Variants in SOX6 observed in about 807,000 individuals in gnomAD.
The protein encoded by SOX6 is transcription factor SOX-6.
A neutral mutation model predicts 97.8 loss-of-function variants in SOX6; 11 were observed. That is an observed-to-expected ratio of 0.11 (90% confidence interval 0.07 to 0.19). SOX6 has a LOEUF of 0.19. SOX6 is among the 10% of genes least tolerant of loss of function. The pLI, the probability that SOX6 is intolerant of heterozygous loss-of-function variation, is 1.00. For synonymous variants in SOX6, 360 were observed against 371.4 expected, an observed-to-expected ratio of 0.97 and a Z score of 0.35; for missense variants, 810 against 1,039.5, an observed-to-expected ratio of 0.78 and a Z score of 3.04.
intron 3 of SOX6, among the ~76,000 whole-genome samples, chr11:16,287,257 GTCTCTCTCTCTCTC>G (rs56921161): frequency 0.58 from 69,501 of 120,566 alleles, 19,886 homozygotes; most frequent in Middle Eastern, 0.75. Context: ...TCTTCTCTCT[GTCTCTCTCTCTCTC>G]TCTCTCTCTC....
chr11:16,026,971 G>A (rs1238130064), intron 12 of SOX6, among the ~76,000 whole-genome samples: 1 of 152,158 alleles, frequency 6.6e-6, no homozygotes, highest in Non-Finnish European at 1.5e-5. Flanking sequence ...GGGGATATGT[G>A]TTAATTGTAT....
rs567370191 is a variant in SOX6, at chr11:16,348,295, G to C, written c.-4-7043C>G. Among the ~76,000 whole-genome samples the C allele has an allele frequency of 7.2e-5, 11 of 152,204 alleles. No homozygotes were observed. In the South Asian group the frequency reaches 1.2e-3, roughly 17 times the overall value. On this transcript the variant is annotated intron_variant, in intron 1 of 15. Coordinates refer to ENST00000683767, the MANE Select transcript of SOX6 (RefSeq NM_001367873.1). The stretch of plus-strand genomic sequence containing the variant: ...AGTTAGTGTTACCTGACAGCTTAGT[G>C]AATATAAAATTACTTGTTTCTCCAA...
At chr11:16,404,441 T>C (rs1202132937) in intron 1 of SOX6, among the ~76,000 whole-genome samples, 1 of 148,362 alleles carries the variant, frequency 6.7e-6, no homozygotes, top group East Asian at 1.9e-4. Flanking sequence ...TTCATAAGCA[T>C]TTATTAAATA....
At chr11:15,986,120 C>T (rs968791350) in intron 15 of SOX6, 84 bp downstream of exon 15, 11 of 1,266,702 alleles carry the variant, frequency 8.7e-6, no homozygotes, top group Non-Finnish European at 1.3e-5. Context: ...CCCTAATCTC[C>T]TTCCCAAACA....
chr11:16,102,984 A>G (rs1484832633), intron 7 of SOX6, among the ~76,000 whole-genome samples: 1 of 152,084 alleles, frequency 6.6e-6, no homozygotes, highest in East Asian at 1.9e-4. Flanking sequence ...TTCATCACCA[A>G]GAACCCAAAA....
At chr11:16,581,772 G>A (rs1224101853) in intron 4 of SOX6, among the ~76,000 whole-genome samples, 9 of 151,878 alleles carry the variant, frequency 5.9e-5, no homozygotes, top group Non-Finnish European at 1.3e-4. Context: ...GACCAACCTG[G>A]CCAAGATGAT....
At chr11:16,579,951 G>A (rs945922536) in intron 4 of SOX6, among the ~76,000 whole-genome samples, 1 of 152,042 alleles carries the variant, frequency 6.6e-6, no homozygotes. Context: ...CAACACGCAA[G>A]GCATTGTCAG....
chr11:16,377,170 T>C (rs1232576242), intron 1 of SOX6, among the ~76,000 whole-genome samples: 2 of 152,040 alleles, frequency 1.3e-5, no homozygotes, highest in Non-Finnish European at 2.9e-5. Flanking sequence ...TTCAGTAGTA[T>C]ATATACTGCA....
At chr11:16,426,976 A>C (rs1859153915) in intron 1 of SOX6, among the ~76,000 whole-genome samples, 1 of 151,734 alleles carries the variant, frequency 6.6e-6, no homozygotes, top group Non-Finnish European at 1.5e-5. Context: ...AATTAATTCA[A>C]GACAGATTAA....
At chr11:16,132,394 G>GAAAA (rs57128078) in intron 6 of SOX6, among the ~76,000 whole-genome samples, 6 of 63,760 alleles carry the variant, frequency 9.4e-5, no homozygotes, top group African/African-American at 4.2e-4. Flanking sequence ...AAGAAAGAAA[G>GAAAA]AAAGAAAAAA....
chr11:16,132,074 A>T (rs1279346205), intron 6 of SOX6, among the ~76,000 whole-genome samples: 1 of 151,672 alleles, frequency 6.6e-6, no homozygotes, highest in African/African-American at 2.4e-5. Flanking sequence ...TAAAGCAGGC[A>T]TTACTTCATT....
At chr11:16,208,740 AT>A (rs1406382927) in intron 4 of SOX6, among the ~76,000 whole-genome samples, 1 of 152,230 alleles carries the variant, frequency 6.6e-6, no homozygotes, top group Non-Finnish European at 1.5e-5. Flanking sequence ...ATATGTCAAC[AT>A]TTGGAAGTTC....
At chr11:16,331,113 G>C (rs893921437) in intron 2 of SOX6, among the ~76,000 whole-genome samples, 2 of 152,080 alleles carry the variant, frequency 1.3e-5, no homozygotes. Context: ...CTGGTGTCAG[G>C]TCAATCTTCC....
intron 3 of SOX6, among the ~76,000 whole-genome samples, chr11:16,265,929 A>G (rs1295040061): frequency 6.6e-6 from 1 of 151,698 alleles, no homozygotes; most frequent in African/African-American, 2.4e-5. Flanking sequence ...AAAAAAATGA[A>G]CAGAGCATCA....
chr11:16,077,849 A>C (rs1310277352), intron 9 of SOX6, among the ~76,000 whole-genome samples: 1 of 152,162 alleles, frequency 6.6e-6, no homozygotes, highest in African/African-American at 2.4e-5. Flanking sequence ...AAAAATATCT[A>C]TCAGGTACTA....
intron 2 of SOX6, among the ~76,000 whole-genome samples, chr11:16,724,570 C>T (rs1461444659): frequency 6.6e-6 from 1 of 152,032 alleles, no homozygotes; most frequent in Non-Finnish European, 1.5e-5. Flanking sequence ...AAATTTGGAA[C>T]TCATCAGAGA....
intron 15 of SOX6, among the ~76,000 whole-genome samples, chr11:15,985,473 C>A (rs1853804191): frequency 6.6e-6 from 1 of 152,166 alleles, no homozygotes; most frequent in Non-Finnish European, 1.5e-5. Context: ...GCTTCTAGGT[C>A]TGGGTATGCT....
intron 6 of SOX6, among the ~76,000 whole-genome samples, chr11:16,162,639 A>C (rs1850780841): frequency 6.6e-6 from 1 of 152,214 alleles, no homozygotes; most frequent in Non-Finnish European, 1.5e-5. Context: ...ATAAAAAGCC[A>C]AGCAGATGCC....
chr11:16,523,005 G>A (rs1018736687), intron 4 of SOX6, among the ~76,000 whole-genome samples: 4 of 152,118 alleles, frequency 2.6e-5, no homozygotes, highest in Non-Finnish European at 5.9e-5. Flanking sequence ...CCTACAAAGA[G>A]ACTTAGACTC....
Sources: allele counts gnomAD v4.1 joint callset (sites outside exome capture counted in the v4.1 genomes callset), GRCh38; gene constraint gnomAD v4.1.1; transcripts MANE v1.5; gene names NCBI Gene and HGNC (gene_info 2026-07-23, HGNC 2026-07-21).